PRPF3: variants seen among roughly 807,000 people sequenced by gnomAD.
The protein encoded by PRPF3 is U4/U6 small nuclear ribonucleoprotein Prp3.
PRPF3 carries 3 observed loss-of-function variants against 89.2 expected under a neutral mutation model. The observed-to-expected ratio is 0.03, with a 90% CI of 0.02 to 0.09. PRPF3 has a LOEUF of 0.09. PRPF3 is among the 10% of genes least tolerant of loss of function. PRPF3 has a pLI of 1.00. For missense variants in PRPF3, 463 were observed against 828.8 expected (o/e 0.56, Z 5.42); for synonymous variants, 270 against 289.1 (o/e 0.93, Z 0.67).
intron 4 of PRPF3, 121 bp downstream of exon 4, chr1:150,328,587 T>C: frequency 9.1e-7 from 1 of 1,104,618 alleles, no homozygotes; most frequent in Non-Finnish European, 1.3e-6. Flanking sequence ...AGTTTTGCTC[T>C]TGTCACCCAG....
At chr1:150,326,061 G>A (rs946767123) in intron 3 of PRPF3, among the ~76,000 whole-genome samples, 180 bp downstream of exon 3, 2 of 152,170 alleles carry the variant, frequency 1.3e-5, no homozygotes, top group Non-Finnish European at 2.9e-5. Context: ...CTACCTCTAA[G>A]TTCATGGGTT....
chr1:150,332,761 A>T lies in PRPF3; in HGVS notation c.501A>T (p.Thr167=). 1 of 1,613,886 alleles carries T rather than the reference A, an allele frequency of 6.2e-7. No homozygotes were observed. Among genetic ancestry groups the T allele is most frequent in the Non-Finnish European group, 8.5e-7 (1 of 1,179,842 alleles). ...AGCTGAGCTTCATTAGCCCCCCTAC[A>T]CCTCAGGTATTGTGTCTAGATTACT... ...KKQLSFISPP[T]PQPKTPSSSQ... is the part of the protein sequence containing the mutation. Residue 167 remains threonine, a synonymous_variant, in exon 5 of 16, where the codon ACA becomes ACT. Transcript: ENST00000324862.
At chr1:150,330,810 G>A (rs986871176) in intron 4 of PRPF3, among the ~76,000 whole-genome samples, 1 of 150,586 alleles carries the variant, frequency 6.6e-6, no homozygotes, top group Non-Finnish European at 1.5e-5. Context: ...TCCGCCTCCC[G>A]GGTTCAAGCT....
chr1:150,328,141 A>C lies in PRPF3; in HGVS notation c.277-179A>C, dbSNP rs587648079. 7.9e-6 allele frequency: 5 copies of C among 631,530 alleles called. No individual in the cohort carries two copies. In the East Asian group the frequency reaches 1.1e-4, roughly 14 times the overall value. The allele number at this position is 631,530 out of a possible 1,614,324, so 39.1% of individuals were successfully genotyped here. On this transcript the variant is annotated intron_variant, in intron 3 of 15. Coordinates refer to ENST00000324862, the MANE Select transcript of PRPF3 (RefSeq NM_004698.4). Reference sequence around the variant, plus strand: ...AAATTTGTTTGACTGGATTAGGAGAATGTTGAAGTTGGGTGAGATGGAGAG... The same window carrying C: ...AAATTTGTTTGACTGGATTAGGAGACTGTTGAAGTTGGGTGAGATGGAGAG...
chr1:150,346,394 TTC>T lies in PRPF3; in HGVS notation c.1760-10_1760-9del. 6.2e-7 allele frequency: 1 copy of T among 1,611,126 alleles called. No individual in the cohort carries two copies. The highest frequency in any genetic ancestry group is 1.3e-5 in the African/African-American group (1 of 74,984). Reference sequence around the variant, plus strand: ...TTCCACAGTTCTGGCAAAATTATTCTTCTCTGTTTCCAGGCCCCAAGGCCCAG... The same window carrying T: ...TTCCACAGTTCTGGCAAAATTATTCTTCTGTTTCCAGGCCCCAAGGCCCAG... On this transcript the variant is annotated splice_polypyrimidine_tract_variant and intron_variant, in intron 13 of 15. Transcript: ENST00000324862.
intron 14 of PRPF3, among the ~76,000 whole-genome samples, chr1:150,347,230 C>G (rs1157355179): frequency 6.7e-6 from 1 of 149,832 alleles, no homozygotes; most frequent in Non-Finnish European, 1.5e-5. Flanking sequence ...TTTGATCAAA[C>G]TATTTCTTTT....
At chr1:150,330,747 C>A (rs1656264668) in intron 4 of PRPF3, among the ~76,000 whole-genome samples, 1 of 144,644 alleles carries the variant, frequency 6.9e-6, no homozygotes, top group Admixed American at 7.0e-5. Flanking sequence ...GACGGAGTCT[C>A]ACTCTGTCGC....
chr1:150,350,258 A>G lies in PRPF3; in HGVS notation c.1905+1040A>G, dbSNP rs1464512453. Among the ~76,000 whole-genome samples, 44 of 146,828 alleles carry G rather than the reference A, an allele frequency of 3.0e-4. 1 individual carries two copies. Among genetic ancestry groups the G allele is most frequent in the African/African-American group, 3.3e-4 (13 of 39,342 alleles). On this transcript the variant is annotated intron_variant, in intron 15 of 15. Coordinates refer to ENST00000324862, the MANE Select transcript of PRPF3 (RefSeq NM_004698.4). Reference sequence around the variant, plus strand: ...CCCTTGTTACCCAGGCTGGAGTGCAATGGTGCAATCTCAGCTCACCGCAAC... The same window carrying G: ...CCCTTGTTACCCAGGCTGGAGTGCAGTGGTGCAATCTCAGCTCACCGCAAC...
At chr1:150,343,237 GAAAAA>G (rs201623637) in intron 9 of PRPF3, 67 bp from the exon 10 acceptor site, 979 of 822,084 alleles carry the variant, frequency 1.2e-3, no homozygotes, top group South Asian at 1.4e-3. Flanking sequence ...GTGAGAGAGA[GAAAAA>G]AAAAAAATAT....
At chr1:150,351,370 A>C (rs951260308) in intron 15 of PRPF3, among the ~76,000 whole-genome samples, 1 of 151,942 alleles carries the variant, frequency 6.6e-6, no homozygotes, top group Non-Finnish European at 1.5e-5. Context: ...ATAAAAATTA[A>C]AAAAAAAGGT....
chr1:150,341,670 T>C (rs1553871015), intron 9 of PRPF3, among the ~76,000 whole-genome samples: 1 of 151,246 alleles, frequency 6.6e-6, no homozygotes, highest in Non-Finnish European at 1.5e-5. Context: ...CCTCCCAAAG[T>C]GCTGGGATTA....
intron 7 of PRPF3, among the ~76,000 whole-genome samples, chr1:150,337,192 C>G (rs1657109669): frequency 6.6e-6 from 1 of 151,942 alleles, no homozygotes; most frequent in Non-Finnish European, 1.5e-5. Flanking sequence ...GCGCCCGCCA[C>G]CACGCCCGGC....
At chr1:150,343,725 T>C (rs1279764894) in intron 10 of PRPF3, among the ~76,000 whole-genome samples, 3 of 152,224 alleles carry the variant, frequency 2.0e-5, no homozygotes, top group Non-Finnish European at 4.4e-5. Flanking sequence ...ATGGAGATAG[T>C]AGTTGCAGTA....
intron 4 of PRPF3, chr1:150,330,177 C>G (rs1356266264): frequency 6.6e-6 from 1 of 151,804 alleles, no homozygotes; most frequent in Non-Finnish European, 1.5e-5. Flanking sequence ...ACCTTGGCTT[C>G]CCAAGTAGCT....
At chr1:150,338,396 C>A (rs1553868868) in intron 8 of PRPF3, 70 bp downstream of exon 8, 7 of 1,449,960 alleles carry the variant, frequency 4.8e-6, no homozygotes, top group Middle Eastern at 1.8e-4. Context: ...CAAGTTAATA[C>A]CTTTTAGTAA....
chr1:150,340,347 A>T (rs782247082), intron 8 of PRPF3, 51 bp from the exon 9 acceptor site: 1 of 1,337,256 alleles, frequency 7.5e-7, no homozygotes, highest in Non-Finnish European at 1.1e-6. Context: ...CTCCTCTCTT[A>T]GAATCATCTC....
chr1:150,338,326 T>C lies in PRPF3; in HGVS notation c.1202T>C (p.Leu401Pro). Residue 401 changes from leucine to proline, a missense_variant and splice_region_variant, in exon 8 of 16, where the codon CTT becomes CCT. Leu to Pro is a moderately conservative substitution (Grantham distance 98, BLOSUM62 -3). Transcript: ENST00000324862. The stretch of plus-strand genomic sequence containing the variant: ...TACATAATCCCCAATGGCTTTGATC[T>C]GTGAGTTTGTTTTAGTACCTTTTTA... Reference protein sequence around the residue: ...DSYIIPNGFDLTEENPKREDY... With the variant: ...DSYIIPNGFDPTEENPKREDY... The C allele has an allele frequency of 6.2e-7, 1 of 1,613,898 alleles. No individual in the cohort carries two copies. The highest frequency in any genetic ancestry group is 8.5e-7 in the Non-Finnish European group (1 of 1,179,832).
At position 150,343,580 on chromosome 1, in the gene PRPF3, C is replaced by T. The variant is rs916056722; in HGVS notation, c.1426+128C>T. 9.3e-6 allele frequency: 12 copies of T among 1,290,528 alleles called. No homozygotes were observed. The Admixed American group carries it at 1.8e-4, about 20-fold the overall frequency. 79.9% of individuals were successfully genotyped at this position (1,290,528 alleles called of 1,614,324 possible). A position where few individuals can be genotyped will look rare whatever the true frequency, so the allele number is the denominator to read the frequency against. On this transcript the variant is annotated intron_variant, in intron 10 of 15. Transcript: ENST00000324862. ...AAGAATTATTCTTGGGGTCCTTTTTCTCCAAGTTTTCTACCATCTTTTCAT... is the reference window on the plus strand; with the variant it reads ...AAGAATTATTCTTGGGGTCCTTTTTTTCCAAGTTTTCTACCATCTTTTCAT...
rs2101978930 is a variant in PRPF3, at chr1:150,335,183, C to G, written c.977C>G (p.Thr326Ser). ...SIAPSQRQRRTFKFHDKGKFE... is the reference protein window; with the variant it reads ...SIAPSQRQRRSFKFHDKGKFE... The stretch of plus-strand genomic sequence containing the variant: ...GCCCCTTCCCAGCGCCAGAGACGCA[C>G]TTTTAAATTCCATGACAAGGGCAAA... The change falls in exon 7 of 16, where the codon ACT (threonine) becomes AGT (serine). Residue 326 changes from threonine (T) to serine (S), a missense_variant. Thr to Ser is a moderately conservative substitution (Grantham distance 58). Coordinates refer to ENST00000324862, the MANE Select transcript of PRPF3 (RefSeq NM_004698.4). 6.2e-7 allele frequency: 1 copy of G among 1,614,118 alleles called. No individual in the cohort carries two copies. The highest frequency in any genetic ancestry group is 2.2e-5 in the East Asian group (1 of 44,884).
Sources: allele counts gnomAD v4.1 joint callset (sites outside exome capture counted in the v4.1 genomes callset), GRCh38; gene constraint gnomAD v4.1.1; transcripts MANE v1.5; gene names NCBI Gene and HGNC (gene_info 2026-07-23, HGNC 2026-07-21).